MTMR10: variants seen among roughly 807,000 people sequenced by gnomAD.
MTMR10 encodes myotubularin related protein 10.
MTMR10 carries 56 observed loss-of-function variants against 88.1 expected under a neutral mutation model. That is an observed-to-expected ratio of 0.64 (90% CI 0.51 to 0.79). MTMR10 has a LOEUF of 0.79. MTMR10 is among the 30% of genes least tolerant of loss of function. The probability of loss-of-function intolerance (pLI) is 0.00; values close to 1 mark genes in which losing one functional copy is unlikely to be tolerated. For missense variants in MTMR10, 883 were observed against 924.7 expected (o/e 0.95, Z 0.58); for synonymous variants, 380 against 340.9 (o/e 1.11, Z -1.26).
rs1566941950 is a variant in MTMR10 at position 30,941,465 on chromosome 15, C to G, written c.*5G>C. 2 of 1,597,010 alleles carry G rather than the reference C, an allele frequency of 1.3e-6. No homozygotes were observed. Among genetic ancestry groups the G allele is most frequent in the Admixed American group, 1.7e-5 (1 of 57,786 alleles). ...TCCCTCAAAATGTTCAGAAAACACC[C>G]TATTTTAGTCTTCATTTGCTAATGT... On this transcript the variant is annotated 3_prime_UTR_variant, in exon 16 of 16. Coordinates refer to ENST00000435680, the MANE Select transcript of MTMR10 (RefSeq NM_017762.3).
chr15:30,924,928 G>A, the MTMR10 span, among the ~76,000 whole-genome samples: 1 of 152,332 alleles, frequency 6.6e-6, no homozygotes, highest in African/African-American at 2.4e-5. Context: ...CGTTGACTGT[G>A]AAGGCTCTGG....
intron 2 of MTMR10, among the ~76,000 whole-genome samples, chr15:30,981,875 G>A (rs2030599399): frequency 6.6e-6 from 1 of 152,016 alleles, no homozygotes; most frequent in African/African-American, 2.4e-5. Flanking sequence ...TTCGAAACCA[G>A]CCTGGCCAAC....
chr15:30,946,593 C>T, intron 14 of MTMR10: 1 of 622,416 alleles, frequency 1.6e-6, no homozygotes, highest in Non-Finnish European at 2.9e-6. Context: ...CAATGGTCTC[C>T]ACGGCATTTG....
chr15:30,927,293 C>T, the MTMR10 span: 1 of 985,390 alleles, frequency 1.0e-6, no homozygotes, highest in African/African-American at 1.7e-5. Context: ...GGACGGAACA[C>T]TGACTGGAAA....
At position 30,991,372 on chromosome 15, in the gene MTMR10, G is replaced by A. The variant is rs569609488; in HGVS notation, c.60+75C>T. 8.0e-4 allele frequency: 1,096 copies of A among 1,361,622 alleles called. 1 individual carries two copies. Among genetic ancestry groups the A allele is most frequent in the Admixed American group, 1.0e-3 (33 of 32,936 alleles). 84.3% of individuals were successfully genotyped at this position (1,361,622 alleles called of 1,614,324 possible). On this transcript the variant is annotated intron_variant, in intron 1 of 15. Transcript: ENST00000435680. ...GCGCGCAGCCTCCTGGGGTCCTCCA[G>A]TTCCCGGGGGTCGGCCTGGAGGCTC...
chr15:30,968,187 C>G (rs1344695961), intron 5 of MTMR10, 177 bp from the exon 6 acceptor site: 2 of 443,516 alleles, frequency 4.5e-6, no homozygotes, highest in Non-Finnish European at 8.0e-6. Context: ...ATCTCATTCA[C>G]TTTCATGCCC....
At chr15:30,930,373 C>T in the MTMR10 span, among the ~76,000 whole-genome samples, 1 of 152,186 alleles carries the variant, frequency 6.6e-6, no homozygotes, top group African/African-American at 2.4e-5. Flanking sequence ...GGATTCCAGC[C>T]ATGGCTCTGC....
In MTMR10 at chr15:30,940,169, G is replaced by A. The variant is rs911295122; in HGVS notation, c.*1301C>T. On this transcript the variant is annotated 3_prime_UTR_variant, in exon 16 of 16. Transcript: ENST00000435680. ...ATTTGAAAGTATCCATGTTTTAAGC[G>A]GGGAATGAGGAGTGTGGGGGAGGTG... 1.6e-5 allele frequency: 16 copies of A among 985,292 alleles called. No homozygotes were observed. Among genetic ancestry groups the A allele is most frequent in the African/African-American group, 5.2e-5 (3 of 57,220 alleles). The allele number at this position is 985,292 out of a possible 1,614,324, so 61.0% of individuals were successfully genotyped here. A position where few individuals can be genotyped will look rare whatever the true frequency, so the allele number is the denominator to read the frequency against.
chr15:30,937,094 C>T (rs747895092), downstream of MTMR10: 9 of 1,600,472 alleles, frequency 5.6e-6, no homozygotes, highest in South Asian at 1.0e-4. Context: ...ATACTAATAA[C>T]AACTTTTAAA....
chr15:30,945,690 G>GA (rs908941070), intron 14 of MTMR10, among the ~76,000 whole-genome samples: 2 of 152,220 alleles, frequency 1.3e-5, no homozygotes, highest in African/African-American at 4.8e-5. Flanking sequence ...AAGCAACTGG[G>GA]AGAGCATGTA....
chr15:30,959,993 A>G (rs2063379799), intron 7 of MTMR10, among the ~76,000 whole-genome samples: 1 of 152,238 alleles, frequency 6.6e-6, no homozygotes. Context: ...AATGTTAAGT[A>G]AAGGAGAAAA....
At chr15:30,919,911 G>GTA in the MTMR10 span, among the ~76,000 whole-genome samples, 1 of 152,138 alleles carries the variant, frequency 6.6e-6, no homozygotes, top group Non-Finnish European at 1.5e-5. Context: ...AACCCATGTT[G>GTA]TCCAGGGGTC....
At chr15:30,949,750 A>G (rs1364832207) in intron 12 of MTMR10, 4 of 152,248 alleles carry the variant, frequency 2.6e-5, no homozygotes, top group Non-Finnish European at 5.9e-5. Flanking sequence ...GGTAAGCAAA[A>G]TGCATTTACA....
downstream of MTMR10, among the ~76,000 whole-genome samples, chr15:30,936,492 T>A (rs1000641035): frequency 2.4e-4 from 36 of 152,192 alleles, no homozygotes; most frequent in Non-Finnish European, 5.9e-5. Flanking sequence ...TAAAACAATT[T>A]TTCATTTGCT....
the MTMR10 span, among the ~76,000 whole-genome samples, chr15:30,932,017 T>C: frequency 6.6e-6 from 1 of 151,144 alleles, no homozygotes; most frequent in Non-Finnish European, 1.5e-5. Flanking sequence ...GGTCAGGAGA[T>C]TGAGACCATC....
At chr15:30,987,597 T>C (rs747510211) in intron 2 of MTMR10, among the ~76,000 whole-genome samples, 3 of 152,248 alleles carry the variant, frequency 2.0e-5, no homozygotes, top group East Asian at 1.9e-4. Context: ...GTTCAAACTT[T>C]GGGCAACTGA....
At chr15:30,951,748 C>T (rs1239827807) in intron 12 of MTMR10, among the ~76,000 whole-genome samples, 1 of 152,190 alleles carries the variant, frequency 6.6e-6, no homozygotes, top group African/African-American at 2.4e-5. Context: ...GATCCGCCCG[C>T]CTCGACCTCC....
chr15:30,937,826 T>C (rs188154266), downstream of MTMR10, among the ~76,000 whole-genome samples: 155 of 152,048 alleles, frequency 1.0e-3, 1 homozygote, highest in African/African-American at 3.4e-3. Context: ...TCTATATGAT[T>C]AGATGTGCAA....
At chr15:30,930,783 GC>G in the MTMR10 span, 2 of 1,369,152 alleles carry the variant, frequency 1.5e-6, no homozygotes, top group Non-Finnish European at 2.1e-6. Flanking sequence ...TTCCTTGAGA[GC>G]TTTTGGGCCG....
Sources: allele counts gnomAD v4.1 joint callset (sites outside exome capture counted in the v4.1 genomes callset), GRCh38; gene constraint gnomAD v4.1.1; transcripts MANE v1.5; gene names NCBI Gene and HGNC (gene_info 2026-07-23, HGNC 2026-07-21).